ANKS1B: variants seen among roughly 807,000 people sequenced by gnomAD.
ANKS1B encodes ankyrin repeat and sterile alpha motif domain containing 1B, also known as ankyrin repeat and sterile alpha motif domain-containing protein 1B.
A neutral mutation model predicts 148.3 loss-of-function variants in ANKS1B; 36 were observed. That is an observed-to-expected ratio of 0.24 (90% CI 0.19 to 0.32). The LOEUF (loss-of-function observed/expected upper bound fraction) is 0.32, where lower values mean the gene tolerates loss of function less well. Ranked by LOEUF, ANKS1B falls within the 10% of genes least tolerant of loss-of-function variation. The pLI is 1.00. For missense variants in ANKS1B, 1,157 were observed against 1,542.6 expected, an observed-to-expected ratio of 0.75 and a Z score of 4.19; for synonymous variants, 542 against 560.8, an observed-to-expected ratio of 0.97 and a Z score of 0.47.
At chr12:98,905,530 G>A (rs577089060) in intron 17 of ANKS1B, among the ~76,000 whole-genome samples, 12 of 152,270 alleles carry the variant, frequency 7.9e-5, no homozygotes, top group Non-Finnish European at 1.6e-4. Flanking sequence ...AGCACTTTGC[G>A]GGGCCGAGGT....
intron 17 of ANKS1B, among the ~76,000 whole-genome samples, chr12:98,950,454 G>A (rs1461828840): frequency 6.6e-6 from 1 of 152,098 alleles, no homozygotes; most frequent in Non-Finnish European, 1.5e-5. Context: ...TTGAGATTGT[G>A]TCACTGCACT....
chr12:99,622,810 CA>C (rs2098070194), intron 9 of ANKS1B, among the ~76,000 whole-genome samples: 2 of 151,942 alleles, frequency 1.3e-5, no homozygotes, highest in Admixed American at 6.6e-5. Flanking sequence ...TAAATTCTAC[CA>C]GACATGCAAG....
intron 10 of ANKS1B, among the ~76,000 whole-genome samples, chr12:99,464,361 T>G (rs1172992695): frequency 6.6e-6 from 1 of 152,050 alleles, no homozygotes; most frequent in Non-Finnish European, 1.5e-5. Context: ...GCAGAAAAAC[T>G]GGAAACCCTA....
At chr12:99,936,985 C>T (rs78276662) in intron 1 of ANKS1B, among the ~76,000 whole-genome samples, 2,644 of 152,248 alleles carry the variant, frequency 0.017, 82 homozygotes, top group African/African-American at 0.06. Context: ...GAACCTTCAT[C>T]CTCATTATGT....
intron 15 of ANKS1B, among the ~76,000 whole-genome samples, chr12:99,144,133 A>ATT (rs895334432): frequency 6.6e-6 from 1 of 151,856 alleles, no homozygotes; most frequent in East Asian, 1.9e-4. Context: ...AATTGGCTAT[A>ATT]TTTTTTTTCT....
intron 17 of ANKS1B, among the ~76,000 whole-genome samples, chr12:98,963,388 G>C (rs2099875222): frequency 6.6e-6 from 1 of 152,060 alleles, no homozygotes; most frequent in African/African-American, 2.4e-5. Context: ...ATGTAGGCTA[G>C]GCTGGTCCCA....
chr12:99,805,854 T>C (rs938289320), intron 4 of ANKS1B, among the ~76,000 whole-genome samples: 10 of 152,240 alleles, frequency 6.6e-5, no homozygotes, highest in Admixed American at 2.6e-4. Context: ...GAAAGAGGCC[T>C]GGACTTTAAT....
At chr12:99,002,257 C>A (rs1203616404) in intron 17 of ANKS1B, among the ~76,000 whole-genome samples, 1 of 152,188 alleles carries the variant, frequency 6.6e-6, no homozygotes, top group Non-Finnish European at 1.5e-5. Flanking sequence ...CACCATTTTG[C>A]ATTCCCACAA....
At chr12:98,824,875 C>A (rs994640559) in intron 19 of ANKS1B, among the ~76,000 whole-genome samples, 4 of 152,060 alleles carry the variant, frequency 2.6e-5, no homozygotes, top group Admixed American at 2.0e-4. Context: ...GTGTTAACCA[C>A]GAGTTGATTC....
At position 98,751,243 on chromosome 12, in the gene ANKS1B, TGAA is replaced by T. The variant is rs1593483934; in HGVS notation, c.3747+109_3747+111del. The stretch of plus-strand genomic sequence containing the variant: ...GCCAGGAGGAGGCCAAGGGAAAGGA[TGAA>T]GAAGAGGCCCTGGGTTCTAATGGCA... On this transcript the variant is annotated intron_variant, in intron 26 of 26. Transcript: ENST00000683438. This position sits in a 1 kb window ranked among gnomAD's most constrained non-coding sequence, Gnocchi z 4.3. The T allele has an allele frequency of 1.8e-6, 2 of 1,123,278 alleles. No individual in the cohort carries two copies. The highest frequency in any genetic ancestry group is 1.6e-5 in the South Asian group (1 of 60,940). 69.6% of individuals were successfully genotyped at this position (1,123,278 alleles called of 1,614,324 possible). A position where few individuals can be genotyped will look rare whatever the true frequency, so the allele number is the denominator to read the frequency against.
intron 1 of ANKS1B, among the ~76,000 whole-genome samples, chr12:99,953,604 A>C (rs1213197418): frequency 2.0e-5 from 3 of 152,086 alleles, no homozygotes; most frequent in South Asian, 4.1e-4. Context: ...AAAAAAAAAA[A>C]ACCTTAGCAA....
At chr12:99,087,436 T>C (rs2052305431) in intron 15 of ANKS1B, among the ~76,000 whole-genome samples, 1 of 152,036 alleles carries the variant, frequency 6.6e-6, no homozygotes, top group Non-Finnish European at 1.5e-5. Context: ...AGCAGCATGA[T>C]AATGAAAAGC....
intron 9 of ANKS1B, among the ~76,000 whole-genome samples, chr12:99,599,495 G>T (rs972564702): frequency 2.0e-5 from 3 of 151,982 alleles, no homozygotes; most frequent in African/African-American, 7.3e-5. Flanking sequence ...TGTGATATTT[G>T]CCTGTTAGAA....
chr12:98,946,968 G>C (rs1309391117), intron 17 of ANKS1B, among the ~76,000 whole-genome samples: 1 of 120,888 alleles, frequency 8.3e-6, no homozygotes, highest in African/African-American at 3.1e-5. Flanking sequence ...AAAAAAAAAA[G>C]TGTGTTTTGA....
chr12:98,835,838 G>C (rs1412198517), intron 17 of ANKS1B, among the ~76,000 whole-genome samples: 1 of 152,184 alleles, frequency 6.6e-6, no homozygotes, highest in Non-Finnish European at 1.5e-5. Context: ...TATCAGAAAT[G>C]AGCCCCCATC....
intron 9 of ANKS1B, among the ~76,000 whole-genome samples, chr12:99,523,784 C>T (rs1312481459): frequency 6.6e-6 from 1 of 151,822 alleles, no homozygotes; most frequent in Non-Finnish European, 1.5e-5. Flanking sequence ...AATCTCCTAA[C>T]CTTGTGATCC....
intron 17 of ANKS1B, among the ~76,000 whole-genome samples, 186 bp downstream of exon 17, chr12:99,052,971 C>T (rs892855695): frequency 6.6e-6 from 1 of 152,042 alleles, no homozygotes; most frequent in Non-Finnish European, 1.5e-5. Context: ...TCTCTCTTTA[C>T]CTCTTAGTTC....
rs150262116 is a variant in ANKS1B at position 99,604,815 on chromosome 12, C to CAA, written c.1272+50250_1272+50251dup. Among the ~76,000 whole-genome samples, 182 of 81,028 alleles carry CAA rather than the reference C, an allele frequency of 2.2e-3. 1 individual carries two copies. The highest frequency in any genetic ancestry group is 7.1e-3 in the East Asian group (20 of 2,800). 53.2% of individuals were successfully genotyped at this position (81,028 alleles called of 152,430 possible). A position where few individuals can be genotyped will look rare whatever the true frequency, so the allele number is the denominator to read the frequency against. Reference sequence around the variant, plus strand: ...GGGCGACAAGGGCAAAACTCTATCTCAAAAAAAAAAAAAAAAAGAAAAGAA... The same window carrying CAA: ...GGGCGACAAGGGCAAAACTCTATCTCAAAAAAAAAAAAAAAAAAAGAAAAGAA... On this transcript the variant is annotated intron_variant, in intron 9 of 26. Transcript: ENST00000683438.
chr12:99,327,022 TAATA>T (rs1472931696), intron 12 of ANKS1B, among the ~76,000 whole-genome samples: 4 of 134,118 alleles, frequency 3.0e-5, no homozygotes, highest in East Asian at 4.0e-4. Context: ...TATTATATTA[TAATA>T]AATATTATAT....
Sources: gnomAD v4.1 joint callset for allele counts (sites outside exome capture counted in the v4.1 genomes callset) on GRCh38, gnomAD v4.1.1 for gene constraint, Gnocchi (gnomAD v3.1) non-coding constraint, MANE v1.5 for transcripts, NCBI Gene and HGNC (gene_info 2026-07-23, HGNC 2026-07-21) for gene names.